TOX3: variants seen among roughly 807,000 people sequenced by gnomAD.
TOX3 encodes the protein CAG trinucleotide repeat-containing gene F9 protein.
In TOX3, 22 loss-of-function variants were observed where a neutral mutation model predicts 64.3. That is an observed-to-expected ratio of 0.34 (90% confidence interval 0.24 to 0.49). The LOEUF is 0.49. Among genes scored for constraint, TOX3 ranks in the 20% least tolerant of loss-of-function variants. The pLI is 0.99. For missense variants in TOX3, 661 were observed against 714.4 expected (o/e 0.93, Z 0.85); for synonymous variants, 291 against 273.6 (o/e 1.06, Z -0.63).
At position 52,505,742 on chromosome 16, in the gene TOX3, C is replaced by A. The variant is rs112444146; in HGVS notation, c.88-37168G>T. On this transcript the variant is annotated intron_variant, in intron 1 of 6. Transcript: ENST00000219746. Reference sequence around the variant, plus strand: ...CTGTGATCCCAGCACTTTGGGAGATCGAGGCAGGCAGATCACTTAAGCCCA... The same window carrying A: ...CTGTGATCCCAGCACTTTGGGAGATAGAGGCAGGCAGATCACTTAAGCCCA... Among the ~76,000 whole-genome samples, 38 of 152,246 alleles carry A rather than the reference C, an allele frequency of 2.5e-4. 1 individual carries two copies. The highest frequency in any genetic ancestry group is 9.1e-4 in the African/African-American group (38 of 41,558).
chr16:52,472,246 T>C (rs1961070566), intron 1 of TOX3, among the ~76,000 whole-genome samples: 1 of 152,174 alleles, frequency 6.6e-6, no homozygotes, highest in East Asian at 1.9e-4. Context: ...GGCAATATTA[T>C]GGAAAAGATG....
chr16:52,523,060 A>T (rs1311264789), intron 1 of TOX3, among the ~76,000 whole-genome samples: 4 of 152,204 alleles, frequency 2.6e-5, no homozygotes, highest in African/African-American at 9.6e-5. Flanking sequence ...GTTGAATGGT[A>T]GTAAGTGCCT....
chr16:52,513,939 A>G (rs1962378527), intron 1 of TOX3, among the ~76,000 whole-genome samples: 1 of 152,254 alleles, frequency 6.6e-6, no homozygotes, highest in Non-Finnish European at 1.5e-5. Flanking sequence ...CAAGATGTCT[A>G]GCATAATTTG....
intron 1 of TOX3, among the ~76,000 whole-genome samples, chr16:52,505,357 A>G (rs1348914285): frequency 6.6e-6 from 1 of 152,228 alleles, no homozygotes; most frequent in African/African-American, 2.4e-5. Context: ...CAATAAAAAT[A>G]ATCATCTGGT....
At chr16:52,484,445 T>A (rs1290989031) in intron 1 of TOX3, among the ~76,000 whole-genome samples, 1 of 152,126 alleles carries the variant, frequency 6.6e-6, no homozygotes, top group African/African-American at 2.4e-5. Context: ...AAAAAGTATA[T>A]ATTTATTTAT....
intron 1 of TOX3, among the ~76,000 whole-genome samples, chr16:52,485,515 A>C (rs1961507536): frequency 6.6e-6 from 1 of 152,002 alleles, no homozygotes; most frequent in Non-Finnish European, 1.5e-5. Flanking sequence ...AGGTTGCAGA[A>C]TTACCTATCA....
chr16:52,531,238 C>T (rs7193453), intron 1 of TOX3, among the ~76,000 whole-genome samples: 74,017 of 151,778 alleles, frequency 0.49, 18,298 homozygotes, highest in East Asian at 0.62. Context: ...TTAAAAACAA[C>T]GAATATATCC....
chr16:52,440,880 C>T (rs1489097762), intron 6 of TOX3, among the ~76,000 whole-genome samples: 1 of 150,430 alleles, frequency 6.6e-6, no homozygotes, highest in Non-Finnish European at 1.5e-5. Context: ...CCTGCCTCAG[C>T]CTCCCAAGTA....
intron 6 of TOX3, among the ~76,000 whole-genome samples, chr16:52,440,750 TTC>T (rs372274159): frequency 0.066 from 6,840 of 104,342 alleles, 946 homozygotes; most frequent in East Asian, 0.4. Flanking sequence ...TTTTCTTTCT[TTC>T]TTTTTTTTTT....
In TOX3 at chr16:52,436,902, C is replaced by T. The variant is rs773610144; in HGVS notation, c.*2323G>A. ...CAATTACAGAACTAATACACAATTACTGTCACATGTAGTTTAGCAATTAAT... is the reference window on the plus strand; with the variant it reads ...CAATTACAGAACTAATACACAATTATTGTCACATGTAGTTTAGCAATTAAT... On this transcript the variant is annotated 3_prime_UTR_variant, in exon 7 of 7. Coordinates refer to ENST00000219746, the MANE Select transcript of TOX3 (RefSeq NM_001080430.4). The T allele has an allele frequency of 1.3e-5, 2 of 152,220 alleles. No individual in the cohort carries two copies. Among genetic ancestry groups the T allele is most frequent in the Non-Finnish European group, 2.9e-5 (2 of 68,042 alleles). The allele number at this position is 152,220 out of a possible 1,614,324, so 9.4% of individuals were successfully genotyped here.
intron 1 of TOX3, among the ~76,000 whole-genome samples, chr16:52,496,720 G>A (rs899150856): frequency 2.6e-5 from 4 of 152,164 alleles, no homozygotes; most frequent in African/African-American, 9.7e-5. Flanking sequence ...ACAAAAAAGT[G>A]AGATCTGGTC....
In TOX3 at chr16:52,546,311, T is replaced by C. The variant is rs1216321625; in HGVS notation, c.87+326A>G. ...GGGGGGCTGCGATCGTGTTTACTAA[T>C]AACAGCAACAAACAATCACACGCCA... On this transcript the variant is annotated intron_variant, in intron 1 of 6. Coordinates refer to ENST00000219746, the MANE Select transcript of TOX3 (RefSeq NM_001080430.4). Among the ~76,000 whole-genome samples, 8 of 152,010 alleles carry C rather than the reference T, an allele frequency of 5.3e-5. No homozygotes were observed. The South Asian group carries it at 1.7e-3, about 32-fold the overall frequency.
At chr16:52,537,693 T>C (rs3112580) in intron 1 of TOX3, among the ~76,000 whole-genome samples, 93,498 of 151,788 alleles carry the variant, frequency 0.62, 31,421 homozygotes, top group African/African-American at 0.89. Flanking sequence ...CCCCCACTGG[T>C]ATGCCTACGT....
intron 1 of TOX3, among the ~76,000 whole-genome samples, chr16:52,475,190 A>G (rs556378374): frequency 6.6e-6 from 1 of 152,192 alleles, no homozygotes; most frequent in African/African-American, 2.4e-5. Flanking sequence ...TCCCACTAGA[A>G]TATAAATTCA....
intron 3 of TOX3, among the ~76,000 whole-genome samples, chr16:52,459,901 A>C (rs1960636822): frequency 6.6e-6 from 1 of 152,166 alleles, no homozygotes; most frequent in African/African-American, 2.4e-5. Context: ...AGCCATGCCA[A>C]GTATAATAAT....
intron 1 of TOX3, among the ~76,000 whole-genome samples, chr16:52,501,983 A>C (rs539173286): frequency 7.2e-5 from 11 of 152,306 alleles, no homozygotes; most frequent in African/African-American, 7.2e-5. Flanking sequence ...TGTACTTTAA[A>C]TACCTCCCTG....
chr16:52,546,838 TCGCGGCCGGAGGGGCGCCGGGA>T lies in TOX3; in HGVS notation c.-137_-116del. 1 of 1,242,746 alleles carries T rather than the reference TCGCGGCCGGAGGGGCGCCGGGA, an allele frequency of 8.0e-7. No homozygotes were observed. The allele number at this position is 1,242,746 out of a possible 1,614,324, so 77.0% of individuals were successfully genotyped here. A position where few individuals can be genotyped will look rare whatever the true frequency, so the allele number is the denominator to read the frequency against. ...GGCGCCCGGGGGTGGCGCGTGGGAC[TCGCGGCCGGAGGGGCGCCGGGA>T]CCCAGAGCCCGAGGAGCTCGGGAGC... On this transcript the variant is annotated 5_prime_UTR_variant, in exon 1 of 7. Coordinates refer to ENST00000219746, the MANE Select transcript of TOX3 (RefSeq NM_001080430.4).
chr16:52,535,599 A>G (rs1299664446), intron 1 of TOX3, among the ~76,000 whole-genome samples: 1 of 152,206 alleles, frequency 6.6e-6, no homozygotes, highest in Non-Finnish European at 1.5e-5. Context: ...ATGAGTATCT[A>G]CTTCATTTAA....
chr16:52,530,911 G>T (rs1962838288), intron 1 of TOX3, among the ~76,000 whole-genome samples: 1 of 152,152 alleles, frequency 6.6e-6, no homozygotes, highest in South Asian at 2.1e-4. Flanking sequence ...GAAGGAAAAT[G>T]CTGTCACCTG....
Sources: allele counts gnomAD v4.1 joint callset (sites outside exome capture counted in the v4.1 genomes callset), GRCh38; gene constraint gnomAD v4.1.1; transcripts MANE v1.5; gene names NCBI Gene and HGNC (gene_info 2026-07-23, HGNC 2026-07-21).